The following MCRIP2 variants were observed in gnomAD, a reference collection of about 807,000 sequenced individuals.
MCRIP2 encodes the protein MAPK regulated corepressor interacting protein 2.
In MCRIP2, 21 loss-of-function variants were observed where a neutral mutation model predicts 23.2. The observed-to-expected ratio is 0.90, with a 90% confidence interval of 0.64 to 1.30. The LOEUF (loss-of-function observed/expected upper bound fraction) is 1.30. Ranked by LOEUF, MCRIP2 falls within the 50% of genes most tolerant of loss-of-function variation. MCRIP2 has a pLI of 0.00. For synonymous variants in MCRIP2, 121 were observed against 100.2 expected (o/e 1.21, Z -1.24); for missense variants, 234 against 223.2 (o/e 1.05, Z -0.31).
chr16:644,444 T>A (rs1248142768), intron 2 of MCRIP2, among the ~76,000 whole-genome samples: 1 of 152,046 alleles, frequency 6.6e-6, no homozygotes, highest in East Asian at 1.9e-4. Context: ...TTTTACTTCA[T>A]TTAATTTTTT....
intron 2 of MCRIP2, among the ~76,000 whole-genome samples, chr16:643,757 C>G (rs1013490705): frequency 1.3e-5 from 2 of 152,116 alleles, no homozygotes; most frequent in African/African-American, 4.8e-5. Flanking sequence ...TGGGCTCGAT[C>G]TCCTGACCTC....
At chr16:647,356 T>C in intron 2 of MCRIP2, 61 bp from the exon 3 acceptor site, 1 of 1,597,632 alleles carries the variant, frequency 6.3e-7, no homozygotes, top group Non-Finnish European at 8.5e-7. Flanking sequence ...TCCTGAGTTC[T>C]GCCAGGCAGC....
intron 2 of MCRIP2, among the ~76,000 whole-genome samples, chr16:644,642 G>A (rs753211573): frequency 1.1e-4 from 16 of 152,026 alleles, no homozygotes; most frequent in Non-Finnish European, 2.1e-4. Context: ...GTCTCACTAT[G>A]TGGCCCAGGG....
In MCRIP2 at chr16:648,154, G is replaced by C. The variant is rs776819332; in HGVS notation, c.447G>C (p.Ala149=). 2 of 1,611,136 alleles carry C rather than the reference G, an allele frequency of 1.2e-6. No homozygotes were observed. Among genetic ancestry groups the C allele is most frequent in the Non-Finnish European group, 1.7e-6 (2 of 1,179,118 alleles). The change falls in exon 5 of 5, where the codon GCG becomes GCC. Residue 149 remains alanine, a synonymous_variant. Transcript: ENST00000307650. ...FVPIDLDEWW[A]QQFLARITSC... ...CCATTGACCTAGACGAGTGGTGGGC[G>C]CAGCAGTTCCTGGCGAGAATCACCA... is the stretch of plus-strand genomic sequence containing the variant.
chr16:642,326 C>T (rs933419248), intron 2 of MCRIP2, 77 bp downstream of exon 2: 5 of 1,120,038 alleles, frequency 4.5e-6, no homozygotes, highest in Non-Finnish European at 5.5e-6. Context: ...GGAGGGTGAC[C>T]TTGGGGAAAT....
intron 4 of MCRIP2, 60 bp downstream of exon 4, chr16:647,944 A>C: frequency 1.0e-6 from 1 of 1,003,962 alleles, no homozygotes; most frequent in Non-Finnish European, 1.4e-6. Flanking sequence ...ATCCTGACCC[A>C]GGCCCTGCCA....
chr16:644,939 A>T (rs1189530599), intron 2 of MCRIP2, among the ~76,000 whole-genome samples: 1 of 151,852 alleles, frequency 6.6e-6, no homozygotes, highest in Non-Finnish European at 1.5e-5. Context: ...CAGACCAGAT[A>T]AACCTTGGTT....
intron 2 of MCRIP2, among the ~76,000 whole-genome samples, chr16:643,420 A>T (rs2037399825): frequency 6.6e-6 from 1 of 151,994 alleles, no homozygotes; most frequent in Non-Finnish European, 1.5e-5. Flanking sequence ...TAGGGAGGGC[A>T]GGGGTAAGGC....
chr16:644,754 C>T (rs77904407), intron 2 of MCRIP2, among the ~76,000 whole-genome samples: 1 of 149,302 alleles, frequency 6.7e-6, no homozygotes, highest in Non-Finnish European at 1.5e-5. Context: ...CCTGCCTTTT[C>T]TTCTCCTTGG....
At chr16:644,251 T>C (rs997976339) in intron 2 of MCRIP2, among the ~76,000 whole-genome samples, 1 of 152,088 alleles carries the variant, frequency 6.6e-6, no homozygotes, top group Non-Finnish European at 1.5e-5. Flanking sequence ...CCAGCTAATC[T>C]TGTATTTTTA....
intron 2 of MCRIP2, among the ~76,000 whole-genome samples, chr16:644,485 C>T (rs963924005): frequency 1.3e-5 from 2 of 152,098 alleles, no homozygotes; most frequent in Non-Finnish European, 2.9e-5. Context: ...GCTCTGTCAC[C>T]CAGGCCGGGG....
In MCRIP2 at chr16:647,909, C is replaced by G. The variant is rs575182270; in HGVS notation, c.412+25C>G. ...AGTGAGCCCCCCAACCCTGTCCCCCCAGGAGAGACCCCCCAGCCCCTCTGA... is the reference window on the plus strand; with the variant it reads ...AGTGAGCCCCCCAACCCTGTCCCCCGAGGAGAGACCCCCCAGCCCCTCTGA... On this transcript the variant is annotated intron_variant, in intron 4 of 4. Coordinates refer to ENST00000307650, the MANE Select transcript of MCRIP2 (RefSeq NM_138418.4). 1,471 of 1,406,004 alleles carry G rather than the reference C, an allele frequency of 1.0e-3. 1 individual carries two copies. The highest frequency in any genetic ancestry group is 1.3e-3 in the Non-Finnish European group (1,309 of 1,026,262). 87.1% of individuals were successfully genotyped at this position (1,406,004 alleles called of 1,614,324 possible).
chr16:648,334 G>A lies in MCRIP2; in HGVS notation c.*144G>A, dbSNP rs1265145925. 1.2e-6 allele frequency: 1 copy of A among 859,068 alleles called. No homozygotes were observed. Among genetic ancestry groups the A allele is most frequent in the Non-Finnish European group, 1.8e-6 (1 of 545,716 alleles). The allele number at this position is 859,068 out of a possible 1,614,324, so 53.2% of individuals were successfully genotyped here. ...GACTTTTGCACCTTTTTTTCCCTTG[G>A]CCCGGCTGTCCCAACCAAGCTGCCA... On this transcript the variant is annotated 3_prime_UTR_variant, in exon 5 of 5. Coordinates refer to ENST00000307650, the MANE Select transcript of MCRIP2 (RefSeq NM_138418.4).
rs1489335149 is a variant in MCRIP2, at chr16:646,728, A to C, written c.183-689A>C. 1 of 152,144 alleles carries C rather than the reference A, an allele frequency of 6.6e-6. No homozygotes were observed. The highest frequency in any genetic ancestry group is 1.5e-5 in the Non-Finnish European group (1 of 68,076). The allele number at this position is 152,144 out of a possible 1,614,324, so 9.4% of individuals were successfully genotyped here. On this transcript the variant is annotated intron_variant, in intron 2 of 4. Transcript: ENST00000307650. The surrounding 1 kb of genome is among the most constrained non-coding windows in gnomAD (Gnocchi z 6.5). ...GCCGGGACGGGCCCAGGGGCCCACCAGACGTTGCGTGCGGCACTGCGGGAG... is the reference window on the plus strand; with the variant it reads ...GCCGGGACGGGCCCAGGGGCCCACCCGACGTTGCGTGCGGCACTGCGGGAG...
rs577384360 is a variant in MCRIP2 at position 642,211 on chromosome 16, G to A, written c.144G>A (p.Gln48=). The change falls in exon 2 of 5, where the codon CAG becomes CAA. Residue 48 remains glutamine, a synonymous_variant. Transcript: ENST00000307650. The stretch of plus-strand genomic sequence containing the variant: ...CGACCTCGCAGCCCCCGCGGGCGCA[G>A]CCCTTTGCGCAGCCGCCGGGACCCT... The part of the protein sequence containing the change: ...APPTSQPPRA[Q]PFAQPPGPWP... 1.6e-6 allele frequency: 2 copies of A among 1,276,300 alleles called. No individual in the cohort carries two copies. Among genetic ancestry groups the A allele is most frequent in the East Asian group, 3.5e-5 (1 of 28,670 alleles). 79.1% of individuals were successfully genotyped at this position (1,276,300 alleles called of 1,614,324 possible).
At chr16:644,242 C>T (rs572773353) in intron 2 of MCRIP2, among the ~76,000 whole-genome samples, 23 of 152,212 alleles carry the variant, frequency 1.5e-4, no homozygotes, top group Admixed American at 1.3e-3. Context: ...CTGCCACACC[C>T]AGCTAATCTT....
chr16:642,191 TCGCAGCCCCCGCGGG>T lies in MCRIP2; in HGVS notation c.133_147del (p.Pro45_Pro49del). 1.5e-6 allele frequency: 2 copies of T among 1,329,306 alleles called. No homozygotes were observed. Among genetic ancestry groups the T allele is most frequent in the South Asian group, 1.8e-5 (1 of 54,740 alleles). 82.3% of individuals were successfully genotyped at this position (1,329,306 alleles called of 1,614,324 possible). ...ATGCCGGCAGCCCGCGCCGCCGACC[TCGCAGCCCCCGCGGG>T]CGCAGCCCTTTGCGCAGCCGCCGGG... On this transcript the variant is annotated inframe_deletion, in exon 2 of 5. Coordinates refer to ENST00000307650, the MANE Select transcript of MCRIP2 (RefSeq NM_138418.4).
At chr16:642,080 CG>C in intron 1 of MCRIP2, 37 bp downstream of exon 1, 1 of 1,317,960 alleles carries the variant, frequency 7.6e-7, no homozygotes, top group South Asian at 2.1e-5. Flanking sequence ...GGGGACGGGG[CG>C]GGGCGCGGCG....
At chr16:642,278 C>T (rs2151098661) in intron 2 of MCRIP2, 29 bp downstream of exon 2, 9 of 1,155,914 alleles carry the variant, frequency 7.8e-6, no homozygotes, top group East Asian at 4.2e-5. Context: ...CGGCCCGGCC[C>T]GGCCCGGCTT....
Sources: allele counts gnomAD v4.1 joint callset (sites outside exome capture counted in the v4.1 genomes callset), GRCh38; gene constraint gnomAD v4.1.1; non-coding constraint Gnocchi (gnomAD v3.1); transcripts MANE v1.5; gene names NCBI Gene and HGNC (gene_info 2026-07-23, HGNC 2026-07-21).